Variants in PTPRN2 observed in about 807,000 individuals in gnomAD.
PTPRN2 encodes the protein protein tyrosine phosphatase receptor type N2.
A neutral mutation model predicts 118.8 loss-of-function variants in PTPRN2; 74 were observed. The ratio of observed to expected loss-of-function variants is 0.62; its 90% CI spans 0.52 to 0.76. The LOEUF (loss-of-function observed/expected upper bound fraction) is 0.76. PTPRN2 is among the 30% of genes least tolerant of loss of function. The probability of loss-of-function intolerance (pLI) is 0.00; values close to 1 mark genes in which losing one functional copy is unlikely to be tolerated. For missense variants in PTPRN2, 1,481 were observed against 1,394.4 expected, an observed-to-expected ratio of 1.06 and a Z score of -0.99; for synonymous variants, 641 against 608.0, an observed-to-expected ratio of 1.05 and a Z score of -0.80.
chr7:158,374,032 G>A (rs990857250), intron 2 of PTPRN2, among the ~76,000 whole-genome samples: 8 of 152,226 alleles, frequency 5.3e-5, no homozygotes, highest in African/African-American at 1.9e-4. Flanking sequence ...TTCCCACGGT[G>A]GCAACACGAC....
intron 2 of PTPRN2, among the ~76,000 whole-genome samples, chr7:158,331,313 A>C (rs1277481765): frequency 2.1e-5 from 3 of 143,176 alleles, no homozygotes; most frequent in Non-Finnish European, 3.1e-5. Context: ...TCTCACCATA[A>C]GAGCTGAGGC....
chr7:157,980,624 G>C (rs1055244714), intron 11 of PTPRN2, among the ~76,000 whole-genome samples: 1 of 152,178 alleles, frequency 6.6e-6, no homozygotes, highest in African/African-American at 2.4e-5. Context: ...GGTGGCACGT[G>C]CCTGTAGTCC....
chr7:157,833,224 G>A (rs1016299749), intron 12 of PTPRN2, among the ~76,000 whole-genome samples: 9 of 150,010 alleles, frequency 6.0e-5, no homozygotes, highest in African/African-American at 1.7e-4. Flanking sequence ...ATCCAGGAGC[G>A]AGATGTGGCC....
intron 2 of PTPRN2, among the ~76,000 whole-genome samples, chr7:158,431,481 A>G (rs1242079234): frequency 8.7e-5 from 1 of 11,548 alleles, no homozygotes; most frequent in Non-Finnish European, 1.9e-4. Flanking sequence ...CATACTGGGC[A>G]CACACTGGCT....
chr7:157,651,835 C>T (rs1433622030), intron 14 of PTPRN2, among the ~76,000 whole-genome samples: 1 of 152,236 alleles, frequency 6.6e-6, no homozygotes, highest in Non-Finnish European at 1.5e-5. Context: ...TGAGCATCTC[C>T]GTGTTGCCTT....
At chr7:158,579,863 C>T (rs1828533244) in intron 1 of PTPRN2, among the ~76,000 whole-genome samples, 1 of 152,238 alleles carries the variant, frequency 6.6e-6, no homozygotes, top group African/African-American at 2.4e-5. Flanking sequence ...CGCAAGTCTT[C>T]TACCACAAGA....
chr7:158,301,844 G>C (rs1800913507), intron 3 of PTPRN2, among the ~76,000 whole-genome samples: 4 of 152,192 alleles, frequency 2.6e-5, no homozygotes, highest in African/African-American at 9.7e-5. Flanking sequence ...CAACTACTTG[G>C]GAGGCTGAGG....
At chr7:157,682,228 G>A (rs1367083989) in intron 13 of PTPRN2, among the ~76,000 whole-genome samples, 6 of 152,104 alleles carry the variant, frequency 3.9e-5, no homozygotes, top group South Asian at 4.1e-4. Flanking sequence ...TCATGGGGAC[G>A]CGTGTGGGTC....
At chr7:158,396,506 G>C (rs979436998) in intron 2 of PTPRN2, among the ~76,000 whole-genome samples, 3 of 151,746 alleles carry the variant, frequency 2.0e-5, no homozygotes, top group African/African-American at 7.3e-5. Context: ...TGTGGAGGGA[G>C]CGAGCTGCTC....
intron 14 of PTPRN2, among the ~76,000 whole-genome samples, chr7:157,644,273 ATG>A (rs2150703124): frequency 6.6e-6 from 1 of 152,294 alleles, no homozygotes; most frequent in South Asian, 2.1e-4. Flanking sequence ...CAGGAAAAAG[ATG>A]TCATCTGCCA....
chr7:158,587,089 AG>A (rs1828987338), intron 1 of PTPRN2, among the ~76,000 whole-genome samples: 1 of 148,342 alleles, frequency 6.7e-6, no homozygotes, highest in South Asian at 2.2e-4. Context: ...AGACCCCCGG[AG>A]CCCCCGACCC....
Position 157,585,380 on chromosome 7 carries a change from TTC to T in PTPRN2, c.2497-7242_2497-7241del, listed in dbSNP as rs560665519. On this transcript the variant is annotated intron_variant, in intron 17 of 22. Coordinates refer to ENST00000389418, the MANE Select transcript of PTPRN2 (RefSeq NM_002847.5). The surrounding 1 kb of genome is among the most constrained non-coding windows in gnomAD (Gnocchi z 5.2). ...CCACTCCACCAAAGTCGGGTCTGTG[TTC>T]TCCGGGAAGGACTCAGCCTGCTTGT... Among the ~76,000 whole-genome samples the T allele has an allele frequency of 6.5e-4, 99 of 152,312 alleles. 1 individual carries two copies. In the South Asian group the frequency reaches 7.0e-3, roughly 11 times the overall value.
chr7:158,352,574 G>A (rs1282243958), intron 2 of PTPRN2, among the ~76,000 whole-genome samples: 2 of 152,328 alleles, frequency 1.3e-5, no homozygotes, highest in East Asian at 1.9e-4. Context: ...GCCCCCTGAA[G>A]GTGAGGTCAG....
chr7:158,562,474 C>G (rs945468194), intron 1 of PTPRN2, among the ~76,000 whole-genome samples: 10 of 152,136 alleles, frequency 6.6e-5, no homozygotes, highest in Non-Finnish European at 8.8e-5. Context: ...CTCCATCTGC[C>G]CTTTACATGA....
rs1006928683 is a variant in PTPRN2, at chr7:157,539,763, A to T, written c.*951T>A. The T allele has an allele frequency of 2.0e-4, 31 of 151,862 alleles. No homozygotes were observed. The highest frequency in any genetic ancestry group is 7.3e-4 in the African/African-American group (30 of 41,112). 9.4% of individuals were successfully genotyped at this position (151,862 alleles called of 1,614,324 possible). On this transcript the variant is annotated 3_prime_UTR_variant, in exon 23 of 23. Transcript: ENST00000389418. ...AGTTGCCCTGATCTCCTTCTCTCCC[A>T]GGAGGGAAATGTCCCCTCTCTGGGG...
At chr7:158,134,263 G>T (rs932760126) in intron 8 of PTPRN2, among the ~76,000 whole-genome samples, 1 of 152,088 alleles carries the variant, frequency 6.6e-6, no homozygotes, top group African/African-American at 2.4e-5. Flanking sequence ...CTGAGTATCC[G>T]AATCACTTAC....
chr7:158,339,255 C>G (rs1806227273), intron 2 of PTPRN2, among the ~76,000 whole-genome samples: 1 of 9,134 alleles, frequency 1.1e-4, no homozygotes, highest in Non-Finnish European at 2.2e-4. Flanking sequence ...GTGACACCTG[C>G]AGATGTCACT....
At chr7:158,506,932 G>A (rs1822792203) in intron 1 of PTPRN2, among the ~76,000 whole-genome samples, 1 of 152,192 alleles carries the variant, frequency 6.6e-6, no homozygotes, top group Non-Finnish European at 1.5e-5. Context: ...AACCAATCAT[G>A]AAGGACACCG....
intron 11 of PTPRN2, among the ~76,000 whole-genome samples, chr7:158,071,029 TGCTCTTAGTATGGAGG>T: frequency 2.5e-5 from 1 of 40,730 alleles, no homozygotes; most frequent in Non-Finnish European, 4.3e-5. Flanking sequence ...GTGGTGGAGG[TGCTCTTAGTATGGAGG>T]TGCTCATGGT....
Sources: gnomAD v4.1 joint callset for allele counts (sites outside exome capture counted in the v4.1 genomes callset) on GRCh38, gnomAD v4.1.1 for gene constraint, Gnocchi (gnomAD v3.1) non-coding constraint, MANE v1.5 for transcripts, NCBI Gene and HGNC (gene_info 2026-07-23, HGNC 2026-07-21) for gene names.